ATXN1L: variants seen among roughly 807,000 people sequenced by gnomAD.
ATXN1L encodes ataxin 1 like.
A neutral mutation model predicts 43.4 loss-of-function variants in ATXN1L; 8 were observed. That is an observed-to-expected ratio of 0.18 (90% CI 0.11 to 0.33). The LOEUF is 0.33. ATXN1L is among the 10% of genes least tolerant of loss of function. The pLI is 1.00. For synonymous variants in ATXN1L, 379 were observed against 360.6 expected, an observed-to-expected ratio of 1.05 and a Z score of -0.58; for missense variants, 856 against 885.4, an observed-to-expected ratio of 0.97 and a Z score of 0.42.
At chr16:71,849,282 C>G (rs2033474579) in intron 2 of ATXN1L, among the ~76,000 whole-genome samples, 1 of 150,990 alleles carries the variant, frequency 6.6e-6, no homozygotes, top group African/African-American at 2.4e-5. Flanking sequence ...TTCAAAGCCC[C>G]CTTTGGGAAG....
chr16:71,849,648 G>C lies in ATXN1L; in HGVS notation c.-93G>C. 1 of 1,375,522 alleles carries C rather than the reference G, an allele frequency of 7.3e-7. No homozygotes were observed. The allele number at this position is 1,375,522 out of a possible 1,614,324, so 85.2% of individuals were successfully genotyped here. Reference sequence around the variant, plus strand: ...GATGTGGGCGCCCCAGCCAGAAGCAGAGAGGGGTACAGGGAAGCTACAGAG... The same window carrying C: ...GATGTGGGCGCCCCAGCCAGAAGCACAGAGGGGTACAGGGAAGCTACAGAG... On this transcript the variant is annotated 5_prime_UTR_variant, in exon 3 of 3. Transcript: ENST00000427980.
Position 71,848,024 on chromosome 16 carries a change from C to T in ATXN1L, c.-165C>T, listed in dbSNP as rs1356131689. 7 of 455,794 alleles carry T rather than the reference C, an allele frequency of 1.5e-5. No individual in the cohort carries two copies. The highest frequency in any genetic ancestry group is 4.7e-5 in the Admixed American group (2 of 42,514). 28.2% of individuals were successfully genotyped at this position (455,794 alleles called of 1,614,324 possible). ...CTATCTTCTAGGCTCCCGAGCCAGC[C>T]GGGAGGACACTTACTACAGCTGCTC... On this transcript the variant is annotated 5_prime_UTR_variant, in exon 2 of 3. Coordinates refer to ENST00000427980, the MANE Select transcript of ATXN1L (RefSeq NM_001137675.4).
chr16:71,851,284 A>T lies in ATXN1L; in HGVS notation c.1544A>T (p.Glu515Val). The part of the protein sequence containing the change: ...IDSSTVVDIQ[E>V]SQWPGFVMLH... ...TCTAGCACGGTCGTGGACATTCAGG[A>T]GAGCCAATGGCCTGGATTTGTCATG... The change falls in exon 3 of 3, where the codon GAG becomes GTG. Residue 515 changes from glutamate (E) to valine (V), a missense_variant. Coordinates refer to ENST00000427980, the MANE Select transcript of ATXN1L (RefSeq NM_001137675.4). The surrounding 1 kb of genome is among the most constrained non-coding windows in gnomAD (Gnocchi z 4.9). The T allele has an allele frequency of 1.9e-6, 3 of 1,551,656 alleles. No homozygotes were observed. Among genetic ancestry groups the T allele is most frequent in the Non-Finnish European group, 2.6e-6 (3 of 1,146,978 alleles).
rs2033536433 is a variant in ATXN1L, at chr16:71,854,759, C to G, written c.*2949C>G. 6.0e-6 allele frequency: 1 copy of G among 166,968 alleles called. No individual in the cohort carries two copies. Among genetic ancestry groups the G allele is most frequent in the South Asian group, 2.1e-4 (1 of 4,826 alleles). The allele number at this position is 166,968 out of a possible 1,614,324, so 10.3% of individuals were successfully genotyped here. On this transcript the variant is annotated 3_prime_UTR_variant, in exon 3 of 3. Transcript: ENST00000427980. ...TGTCAGCAGTAGGACATTTCCAGCTCTTAGGAATAGAAAGGAGGACTGCTG... is the reference window on the plus strand; with the variant it reads ...TGTCAGCAGTAGGACATTTCCAGCTGTTAGGAATAGAAAGGAGGACTGCTG...
In ATXN1L at chr16:71,855,498, C is replaced by T. The variant is rs1453492076; in HGVS notation, c.*3688C>T. On this transcript the variant is annotated 3_prime_UTR_variant, in exon 3 of 3. Coordinates refer to ENST00000427980, the MANE Select transcript of ATXN1L (RefSeq NM_001137675.4). ...GTTTAAAGTTTGGCTGAAATAGCAC[C>T]TCAAGTGGGGTTTAGTTTTATTTTT... The T allele has an allele frequency of 1.2e-5, 2 of 167,074 alleles. No individual in the cohort carries two copies. Among genetic ancestry groups the T allele is most frequent in the African/African-American group, 4.8e-5 (2 of 41,428 alleles). The allele number at this position is 167,074 out of a possible 1,614,324, so 10.3% of individuals were successfully genotyped here.
At chr16:71,848,963 C>T (rs1243295792) in intron 2 of ATXN1L, among the ~76,000 whole-genome samples, 1 of 151,290 alleles carries the variant, frequency 6.6e-6, no homozygotes, top group African/African-American at 2.4e-5. Context: ...ACCCGTAATC[C>T]CAGCACTTTG....
rs910137293 is a variant in ATXN1L, at chr16:71,851,277, A to G, written c.1537A>G (p.Ile513Val). 9.0e-6 allele frequency: 14 copies of G among 1,551,548 alleles called. No homozygotes were observed. In the East Asian group the frequency reaches 2.7e-4, roughly 30 times the overall value. Residue 513 changes from isoleucine to valine, a missense_variant, in exon 3 of 3, where the codon ATT becomes GTT. Ile to Val is a conservative substitution (Grantham distance 29). Around this residue, in one of 7 missense-constraint regions of ATXN1L, gnomAD observed 54 missense variants for 56.6 expected, o/e 0.95. Coordinates refer to ENST00000427980, the MANE Select transcript of ATXN1L (RefSeq NM_001137675.4). The surrounding 1 kb of genome is among the most constrained non-coding windows in gnomAD (Gnocchi z 4.9). ...LKIDSSTVVD[I>V]QESQWPGFVM... ...GATTGACTCTAGCACGGTCGTGGAC[A>G]TTCAGGAGAGCCAATGGCCTGGATT...
In ATXN1L at chr16:71,853,998, G is replaced by A. The variant is rs1315164596; in HGVS notation, c.*2188G>A. ...GTGGGGGCCTGTGGGGTTGAGTCTTGAGGAATCCCCTCAAATGAGAAGGCC... is the reference window on the plus strand; with the variant it reads ...GTGGGGGCCTGTGGGGTTGAGTCTTAAGGAATCCCCTCAAATGAGAAGGCC... On this transcript the variant is annotated 3_prime_UTR_variant, in exon 3 of 3. Coordinates refer to ENST00000427980, the MANE Select transcript of ATXN1L (RefSeq NM_001137675.4). The A allele has an allele frequency of 1.2e-5, 2 of 167,088 alleles. No individual in the cohort carries two copies. The highest frequency in any genetic ancestry group is 2.9e-5 in the Non-Finnish European group (2 of 68,166). The allele number at this position is 167,088 out of a possible 1,614,324, so 10.4% of individuals were successfully genotyped here.
chr16:71,849,498 C>CT, intron 2 of ATXN1L, 126 bp from the exon 3 acceptor site: 1 of 373,466 alleles, frequency 2.7e-6, no homozygotes, highest in South Asian at 7.2e-5. Context: ...GCCCCTTTCT[C>CT]TTTCCTCCTT....
At chr16:71,846,372 A>T (rs546182012) in intron 1 of ATXN1L, among the ~76,000 whole-genome samples, 1 of 152,322 alleles carries the variant, frequency 6.6e-6, no homozygotes, top group South Asian at 2.1e-4. Context: ...CCAAACAAGG[A>T]AGCGTCGCCT....
chr16:71,846,819 G>A (rs1447405664), intron 1 of ATXN1L, among the ~76,000 whole-genome samples: 2 of 151,960 alleles, frequency 1.3e-5, no homozygotes, highest in East Asian at 1.9e-4. Flanking sequence ...CAGACCTTTT[G>A]CCTCTTTCGG....
At position 71,851,843 on chromosome 16, in the gene ATXN1L, C is replaced by T. The variant is rs754127392; in HGVS notation, c.*33C>T. The T allele has an allele frequency of 1.7e-5, 23 of 1,388,788 alleles. No individual in the cohort carries two copies. Among genetic ancestry groups the T allele is most frequent in the Non-Finnish European group, 2.2e-5 (23 of 1,065,644 alleles). 86.0% of individuals were successfully genotyped at this position (1,388,788 alleles called of 1,614,324 possible). On this transcript the variant is annotated 3_prime_UTR_variant, in exon 3 of 3. Coordinates refer to ENST00000427980, the MANE Select transcript of ATXN1L (RefSeq NM_001137675.4). The surrounding 1 kb of genome is among the most constrained non-coding windows in gnomAD (Gnocchi z 4.9). ...CCCCAGACCAGGACTGGGGCTTTAC[C>T]CCAGAGCCTCGCCTCGCCGCCGTGA...
chr16:71,847,101 C>G (rs2033450612), intron 1 of ATXN1L, among the ~76,000 whole-genome samples: 1 of 152,148 alleles, frequency 6.6e-6, no homozygotes, highest in Non-Finnish European at 1.5e-5. Context: ...CTTTTGTGTA[C>G]ACCTGCACCT....
In ATXN1L at chr16:71,852,020, T is replaced by A; in HGVS notation, c.*210T>A. ...TTCAGGACAACCCCAGAGGGTGTTG[T>A]GATGGGGAGCAGCAGGCCTGGGGCA... On this transcript the variant is annotated 3_prime_UTR_variant, in exon 3 of 3. Coordinates refer to ENST00000427980, the MANE Select transcript of ATXN1L (RefSeq NM_001137675.4). The A allele has an allele frequency of 2.1e-6, 1 of 467,026 alleles. No individual in the cohort carries two copies. The highest frequency in any genetic ancestry group is 3.6e-6 in the Non-Finnish European group (1 of 277,726). 28.9% of individuals were successfully genotyped at this position (467,026 alleles called of 1,614,324 possible).
intron 1 of ATXN1L, among the ~76,000 whole-genome samples, chr16:71,846,827 C>T (rs2033448383): frequency 6.6e-6 from 1 of 151,810 alleles, no homozygotes; most frequent in Non-Finnish European, 1.5e-5. Context: ...TTGCCTCTTT[C>T]GGTCCCTTTA....
In ATXN1L at chr16:71,850,549, G is replaced by A. The variant is rs2033489801; in HGVS notation, c.809G>A (p.Gly270Glu). The A allele has an allele frequency of 6.4e-7, 1 of 1,551,628 alleles. No homozygotes were observed. Among genetic ancestry groups the A allele is most frequent in the Non-Finnish European group, 8.7e-7 (1 of 1,147,012 alleles). ...QSALEAAAAN[G>E]GQRPRERNLV... ...GCTCTGGAAGCAGCTGCTGCAAATG[G>A]AGGACAGAGACCACGAGAGCGAAAT... The change falls in exon 3 of 3, where the codon GGA becomes GAA. Residue 270 changes from glycine to glutamate, a missense_variant. Coordinates refer to ENST00000427980, the MANE Select transcript of ATXN1L (RefSeq NM_001137675.4).
chr16:71,849,302 A>G (rs2033474608), intron 2 of ATXN1L, among the ~76,000 whole-genome samples: 1 of 151,996 alleles, frequency 6.6e-6, no homozygotes, highest in African/African-American at 2.4e-5. Flanking sequence ...GAAGGCAGAA[A>G]AGAGACAAGG....
intron 2 of ATXN1L, chr16:71,848,321 A>G (rs1212662148): frequency 3.7e-6 from 1 of 273,512 alleles, no homozygotes; most frequent in African/African-American, 2.3e-5. Flanking sequence ...CTTATGAATC[A>G]TACAGATACG....
At position 71,854,886 on chromosome 16, in the gene ATXN1L, T is replaced by G; in HGVS notation, c.*3076T>G. 2 of 167,076 alleles carry G rather than the reference T, an allele frequency of 1.2e-5. 1 individual carries two copies. The highest frequency in any genetic ancestry group is 2.9e-5 in the Non-Finnish European group (2 of 68,136). 10.3% of individuals were successfully genotyped at this position (167,076 alleles called of 1,614,324 possible). A position where few individuals can be genotyped will look rare whatever the true frequency, so the allele number is the denominator to read the frequency against. On this transcript the variant is annotated 3_prime_UTR_variant, in exon 3 of 3. Transcript: ENST00000427980. Reference sequence around the variant, plus strand: ...AGTCTTGAATCATTCCTATCAAGATTAGTATACATGAGGAAGAGGTGGCAT... The same window carrying G: ...AGTCTTGAATCATTCCTATCAAGATGAGTATACATGAGGAAGAGGTGGCAT...
Sources: allele counts gnomAD v4.1 joint callset (sites outside exome capture counted in the v4.1 genomes callset), GRCh38; gene constraint gnomAD v4.1.1; regional missense constraint gnomAD v4.1.1; non-coding constraint Gnocchi (gnomAD v3.1); transcripts MANE v1.5; gene names NCBI Gene and HGNC (gene_info 2026-07-23, HGNC 2026-07-21).